The following DLC1 variants were observed in gnomAD, a reference collection of about 807,000 sequenced individuals.
The protein encoded by DLC1 is rho GTPase-activating protein 7.
A neutral mutation model predicts 140.3 loss-of-function variants in DLC1; 54 were observed. The observed-to-expected ratio is 0.38, with a 90% confidence interval of 0.31 to 0.48. DLC1 has a LOEUF of 0.48. DLC1 is among the 20% of genes least tolerant of loss of function. The pLI is 0.96. For missense variants in DLC1, 2,536 were observed against 1,907.0 expected (o/e 1.33, Z -6.14); for synonymous variants, 986 against 728.1 (o/e 1.35, Z -5.70).
intron 5 of DLC1, among the ~76,000 whole-genome samples, chr8:13,213,720 A>C (rs1035402509): frequency 6.6e-6 from 1 of 152,032 alleles, no homozygotes; most frequent in African/African-American, 2.4e-5. Flanking sequence ...TAAAATTTCA[A>C]ACCAATGCTT....
At chr8:13,222,883 A>G (rs776455645) in intron 5 of DLC1, among the ~76,000 whole-genome samples, 3 of 152,104 alleles carry the variant, frequency 2.0e-5, no homozygotes, top group Non-Finnish European at 2.9e-5. Flanking sequence ...CGCTGGGACT[A>G]CAGGCACACA....
chr8:13,573,548 T>A (rs1282768464), intron 1 of DLC1, among the ~76,000 whole-genome samples: 2 of 152,230 alleles, frequency 1.3e-5, no homozygotes, highest in Non-Finnish European at 2.9e-5. Context: ...AGGGAAGAAC[T>A]TGCAGTCTTT....
In DLC1 at chr8:13,282,428, G is replaced by A. The variant is rs531515204; in HGVS notation, c.1348+22841C>T. Among the ~76,000 whole-genome samples the A allele has an allele frequency of 7.9e-5, 12 of 152,152 alleles. No individual in the cohort carries two copies. In the South Asian group the frequency reaches 2.3e-3, roughly 29 times the overall value. ...ATGATTTCAGGTTTTCTTTTATGTTGTAATTTCAAAAGGTTAAACATTTGC... is the reference window on the plus strand; with the variant it reads ...ATGATTTCAGGTTTTCTTTTATGTTATAATTTCAAAAGGTTAAACATTTGC... On this transcript the variant is annotated intron_variant, in intron 5 of 17. Transcript: ENST00000276297.
At chr8:13,518,379 G>A (rs912260804), upstream of DLC1, among the ~76,000 whole-genome samples, 3 of 152,268 alleles carry the variant, frequency 2.0e-5, no homozygotes, top group East Asian at 3.9e-4. Flanking sequence ...AAAGTGCTGG[G>A]TTTAGAGGCG....
chr8:13,116,864 G>C (rs934058163), intron 5 of DLC1, among the ~76,000 whole-genome samples: 4 of 152,188 alleles, frequency 2.6e-5, no homozygotes, highest in African/African-American at 9.7e-5. Context: ...GAAATAAATA[G>C]CATGGCAAAG....
chr8:13,577,805 AT>A (rs1340432752), intron 1 of DLC1, among the ~76,000 whole-genome samples: 1 of 151,910 alleles, frequency 6.6e-6, no homozygotes, highest in Non-Finnish European at 1.5e-5. Context: ...CCCTGCTCAT[AT>A]TTTTAAGCTT....
chr8:13,134,389 A>T (rs1409484459), intron 5 of DLC1, among the ~76,000 whole-genome samples: 1 of 152,232 alleles, frequency 6.6e-6, no homozygotes, highest in Non-Finnish European at 1.5e-5. Context: ...TGAGCAAAAG[A>T]GACAAATATC....
At chr8:13,456,354 C>T (rs1002391330) in intron 2 of DLC1, among the ~76,000 whole-genome samples, 5 of 152,144 alleles carry the variant, frequency 3.3e-5, no homozygotes, top group Admixed American at 3.3e-4. Context: ...TTTGCCTTGC[C>T]TATATTGCCC....
intron 4 of DLC1, among the ~76,000 whole-genome samples, chr8:13,369,687 C>A (rs1053731720): frequency 1.3e-5 from 2 of 152,048 alleles, no homozygotes; most frequent in Admixed American, 1.3e-4. Context: ...ACCAGCACTG[C>A]TGCTAGCTAC....
chr8:13,119,279 G>T (rs1820836256), intron 5 of DLC1, among the ~76,000 whole-genome samples: 1 of 150,636 alleles, frequency 6.6e-6, no homozygotes, highest in Non-Finnish European at 1.5e-5. Context: ...GGTTTTCAAG[G>T]CTCTCCACTT....
intron 4 of DLC1, among the ~76,000 whole-genome samples, chr8:13,316,358 C>T (rs762753158): frequency 3.9e-5 from 6 of 151,968 alleles, no homozygotes; most frequent in Non-Finnish European, 5.9e-5. Flanking sequence ...GAGTTTTATA[C>T]AATACAATTG....
At chr8:13,321,453 G>A (rs958538723) in intron 4 of DLC1, among the ~76,000 whole-genome samples, 2 of 147,112 alleles carry the variant, frequency 1.4e-5, no homozygotes, top group East Asian at 4.1e-4. Context: ...CAGGAGAATC[G>A]CTTGAACCCA....
intron 4 of DLC1, among the ~76,000 whole-genome samples, chr8:13,388,480 T>A (rs1331702824): frequency 6.6e-6 from 1 of 152,008 alleles, no homozygotes; most frequent in Non-Finnish European, 1.5e-5. Flanking sequence ...CTGAGAAAGT[T>A]TTATACATAA....
chr8:13,256,078 C>G (rs1336978223), intron 5 of DLC1, among the ~76,000 whole-genome samples: 1 of 152,154 alleles, frequency 6.6e-6, no homozygotes, highest in Non-Finnish European at 1.5e-5. Flanking sequence ...TACTGAATTT[C>G]CCAAGGTCTC....
At chr8:13,413,950 AACCT>A (rs1402236861) in intron 2 of DLC1, among the ~76,000 whole-genome samples, 1 of 152,184 alleles carries the variant, frequency 6.6e-6, no homozygotes, top group African/African-American at 2.4e-5. Flanking sequence ...GGGGCAAAGA[AACCT>A]ACATGTTACA....
chr8:13,245,597 C>T (rs1334971526), intron 5 of DLC1, among the ~76,000 whole-genome samples: 1 of 152,138 alleles, frequency 6.6e-6, no homozygotes, highest in Non-Finnish European at 1.5e-5. Flanking sequence ...GTCTCAGGGA[C>T]TTTTCTTTAG....
intron 2 of DLC1, among the ~76,000 whole-genome samples, chr8:13,453,469 T>TAC (rs1187824049): frequency 3.8e-5 from 1 of 26,522 alleles, no homozygotes; most frequent in Non-Finnish European, 6.2e-5. Flanking sequence ...TGTATATATA[T>TAC]ACATATATAT....
intron 5 of DLC1, among the ~76,000 whole-genome samples, chr8:13,122,455 C>T (rs907010657): frequency 6.6e-6 from 1 of 150,848 alleles, no homozygotes; most frequent in African/African-American, 2.4e-5. Flanking sequence ...ACTTTTTGCA[C>T]AAAGGAATTA....
chr8:13,100,199 C>A lies in DLC1; in HGVS notation c.2138G>T (p.Cys713Phe), dbSNP rs1039717448. Reference protein sequence around the residue: ...MDEEKLKQLNCVEISALNGNR... With the variant: ...MDEEKLKQLNFVEISALNGNR... ...GCCATTGAGGGCGGAGATCTCCACG[C>A]AGTTGAGCTGCTTCAGCTTCTCCTC... Residue 713 changes from cysteine (C) to phenylalanine (F), a missense_variant, in exon 9 of 18, where the codon TGC becomes TTC. By Grantham distance (205) the Cys-to-Phe change is radical (BLOSUM62 -2). Coordinates refer to ENST00000276297, the MANE Select transcript of DLC1 (RefSeq NM_182643.3). The A allele has an allele frequency of 1.2e-6, 2 of 1,614,144 alleles. No homozygotes were observed. Among genetic ancestry groups the A allele is most frequent in the Non-Finnish European group, 8.5e-7 (1 of 1,180,034 alleles).
Sources: allele counts gnomAD v4.1 joint callset (sites outside exome capture counted in the v4.1 genomes callset), GRCh38; gene constraint gnomAD v4.1.1; transcripts MANE v1.5; gene names NCBI Gene and HGNC (gene_info 2026-07-23, HGNC 2026-07-21).